NXPH1: variants seen among roughly 807,000 people sequenced by gnomAD.
NXPH1 encodes the protein neurexophilin-1.
In NXPH1, 5 loss-of-function variants were observed where a neutral mutation model predicts 23.7. The ratio of observed to expected loss-of-function variants is 0.21; its 90% CI spans 0.11 to 0.44. NXPH1 has a LOEUF of 0.44. Among genes scored for constraint, NXPH1 ranks in the 20% least tolerant of loss-of-function variants. The probability of loss-of-function intolerance (pLI) is 0.99; values close to 1 mark genes in which losing one functional copy is unlikely to be tolerated. For synonymous variants in NXPH1, 144 were observed against 122.2 expected (o/e 1.18, Z -1.18); for missense variants, 324 against 321.6 (o/e 1.01, Z -0.06).
chr7:8,565,393 T>C (rs1818523181), intron 2 of NXPH1, among the ~76,000 whole-genome samples: 1 of 151,798 alleles, frequency 6.6e-6, no homozygotes, highest in Non-Finnish European at 1.5e-5. Context: ...AAGACATAAG[T>C]CAATAGAGAA....
At chr7:8,499,998 A>G (rs139498372) in intron 2 of NXPH1, among the ~76,000 whole-genome samples, 1 of 152,242 alleles carries the variant, frequency 6.6e-6, no homozygotes, top group Non-Finnish European at 1.5e-5. Flanking sequence ...GATTCTGTGT[A>G]CTATAAAGCG....
chr7:8,627,882 A>T (rs1212127169), intron 2 of NXPH1, among the ~76,000 whole-genome samples: 1 of 152,150 alleles, frequency 6.6e-6, no homozygotes, highest in Non-Finnish European at 1.5e-5. Flanking sequence ...TCTCTAGAGA[A>T]TATAAAGGCA....
chr7:8,704,625 G>A (rs144537670), intron 2 of NXPH1, among the ~76,000 whole-genome samples: 3 of 152,242 alleles, frequency 2.0e-5, no homozygotes, highest in African/African-American at 7.2e-5. Flanking sequence ...ACCATTAGTA[G>A]AAGGCAGGAG....
At chr7:8,659,377 C>T (rs575646419) in intron 2 of NXPH1, among the ~76,000 whole-genome samples, 7 of 152,228 alleles carry the variant, frequency 4.6e-5, no homozygotes, top group South Asian at 2.1e-4. Flanking sequence ...AGCTTCTTTG[C>T]GATGTGTTCA....
chr7:8,553,952 T>C (rs995963104), intron 2 of NXPH1, among the ~76,000 whole-genome samples: 3 of 151,692 alleles, frequency 2.0e-5, no homozygotes, highest in African/African-American at 7.2e-5. Context: ...GAACATTTCT[T>C]AGGAAAATAA....
At chr7:8,529,918 C>T (rs758246763) in intron 2 of NXPH1, among the ~76,000 whole-genome samples, 1 of 152,164 alleles carries the variant, frequency 6.6e-6, no homozygotes, top group Non-Finnish European at 1.5e-5. Context: ...AATTTTGTCA[C>T]TTTTAAAATG....
chr7:8,652,523 C>T (rs1820505583), intron 2 of NXPH1, among the ~76,000 whole-genome samples: 2 of 152,144 alleles, frequency 1.3e-5, no homozygotes. Flanking sequence ...AACTAATCCT[C>T]AATTACTAGA....
At chr7:8,465,429 C>CT (rs1253638468) in intron 2 of NXPH1, among the ~76,000 whole-genome samples, 3 of 152,068 alleles carry the variant, frequency 2.0e-5, no homozygotes, top group Admixed American at 6.5e-5. Flanking sequence ...GAAAGGCTTC[C>CT]TTTTAGGTCA....
intron 2 of NXPH1, among the ~76,000 whole-genome samples, chr7:8,657,800 G>A (rs756113399): frequency 2.0e-4 from 30 of 152,240 alleles, no homozygotes; most frequent in Non-Finnish European, 3.4e-4. Context: ...GGCCAAGGGA[G>A]GTGCATCACC....
chr7:8,688,717 T>C (rs753071437), intron 2 of NXPH1, among the ~76,000 whole-genome samples: 1 of 152,204 alleles, frequency 6.6e-6, no homozygotes, highest in Non-Finnish European at 1.5e-5. Context: ...GAATTGTAAC[T>C]CCTGCTCTCA....
chr7:8,584,374 C>T (rs1218779871), intron 2 of NXPH1, among the ~76,000 whole-genome samples: 1 of 152,144 alleles, frequency 6.6e-6, no homozygotes, highest in Non-Finnish European at 1.5e-5. Flanking sequence ...TGCCTTCTTC[C>T]CCTACAGACT....
chr7:8,698,547 C>T (rs976767592), intron 2 of NXPH1, among the ~76,000 whole-genome samples: 7 of 152,074 alleles, frequency 4.6e-5, no homozygotes, highest in African/African-American at 1.7e-4. Flanking sequence ...TTCAACATGT[C>T]TTGTAGCATA....
At chr7:8,685,335 A>G (rs1370443991) in intron 2 of NXPH1, among the ~76,000 whole-genome samples, 2 of 151,866 alleles carry the variant, frequency 1.3e-5, no homozygotes, top group African/African-American at 2.4e-5. Context: ...TAGATCCCAC[A>G]GATAAGTGAG....
At chr7:8,748,418 A>C (rs1182242118) in intron 2 of NXPH1, among the ~76,000 whole-genome samples, 1 of 152,182 alleles carries the variant, frequency 6.6e-6, no homozygotes, top group Non-Finnish European at 1.5e-5. Flanking sequence ...AAGACCACTA[A>C]TGGCCGTCTG....
chr7:8,556,142 C>T (rs1227942537), intron 2 of NXPH1, among the ~76,000 whole-genome samples: 1 of 151,526 alleles, frequency 6.6e-6, no homozygotes, highest in Non-Finnish European at 1.5e-5. Context: ...GCTATTGATC[C>T]AAAAATAAGT....
At chr7:8,722,009 A>G (rs1398890209) in intron 2 of NXPH1, among the ~76,000 whole-genome samples, 8 of 152,176 alleles carry the variant, frequency 5.3e-5, no homozygotes, top group East Asian at 1.9e-4. Context: ...CTTCCTGTTG[A>G]GAGTTACTGA....
chr7:8,657,309 T>C (rs114097138), intron 2 of NXPH1, among the ~76,000 whole-genome samples: 24 of 152,312 alleles, frequency 1.6e-4, no homozygotes, highest in Admixed American at 3.3e-4. Flanking sequence ...AGAGGAATCA[T>C]TGTAGGTGGG....
intron 2 of NXPH1, among the ~76,000 whole-genome samples, chr7:8,550,717 T>A: frequency 6.6e-6 from 1 of 151,778 alleles, no homozygotes; most frequent in South Asian, 2.1e-4. Flanking sequence ...TATAGTTATA[T>A]CTATAACAAC....
chr7:8,485,895 G>C (rs1817150646), intron 2 of NXPH1, among the ~76,000 whole-genome samples: 1 of 152,110 alleles, frequency 6.6e-6, no homozygotes, highest in Non-Finnish European at 1.5e-5. Context: ...AATTAGAACA[G>C]CAGCTGCCAG....
Sources: allele counts gnomAD v4.1 joint callset (sites outside exome capture counted in the v4.1 genomes callset), GRCh38; gene constraint gnomAD v4.1.1; transcripts MANE v1.5; gene names NCBI Gene and HGNC (gene_info 2026-07-23, HGNC 2026-07-21).